The following CORIN variants were observed in gnomAD, a reference collection of about 807,000 sequenced individuals.
The protein encoded by CORIN is atrial natriuretic peptide-converting enzyme.
In CORIN, 117 loss-of-function variants were observed where a neutral mutation model predicts 125.3. That is an observed-to-expected ratio of 0.93 (90% CI 0.80 to 1.09). The LOEUF (loss-of-function observed/expected upper bound fraction) is 1.09, where lower values mean the gene tolerates loss of function less well. CORIN is among the 50% of genes least tolerant of loss of function. The probability of loss-of-function intolerance (pLI) is 0.00; values close to 1 mark genes in which losing one functional copy is unlikely to be tolerated. For synonymous variants in CORIN, 450 were observed against 466.4 expected (o/e 0.96, Z 0.45); for missense variants, 1,253 against 1,306.7 (o/e 0.96, Z 0.63).
chr4:47,677,799 G>T (rs1725093819), intron 9 of CORIN, 139 bp downstream of exon 9: 1 of 637,924 alleles, frequency 1.6e-6, no homozygotes, highest in African/African-American at 1.8e-5. Context: ...GGCTGACTAG[G>T]GCTGTGAGGA....
At chr4:47,794,146 G>C (rs1731193919) in intron 2 of CORIN, among the ~76,000 whole-genome samples, 1 of 152,230 alleles carries the variant, frequency 6.6e-6, no homozygotes. Flanking sequence ...CTTAAATTTT[G>C]GGTGTGAAGA....
chr4:47,685,177 A>G (rs2109725358), intron 6 of CORIN, among the ~76,000 whole-genome samples: 1 of 152,314 alleles, frequency 6.6e-6, no homozygotes, highest in East Asian at 1.9e-4. Context: ...GAATCTACCC[A>G]AGATAAATTA....
At chr4:47,817,292 C>G (rs560325626) in intron 1 of CORIN, among the ~76,000 whole-genome samples, 1 of 91,678 alleles carries the variant, frequency 1.1e-5, no homozygotes, top group Admixed American at 1.0e-4. Context: ...ATATATATAA[C>G]AAAATATATA....
chr4:47,744,696 T>TA, intron 4 of CORIN, 113 bp from the exon 5 acceptor site: 1 of 997,890 alleles, frequency 1.0e-6, no homozygotes, highest in African/African-American at 1.6e-5. Flanking sequence ...AATTTATACT[T>TA]ACTATAGTCA....
At chr4:47,776,320 C>G (rs1370950781) in intron 3 of CORIN, among the ~76,000 whole-genome samples, 2 of 152,044 alleles carry the variant, frequency 1.3e-5, no homozygotes, top group African/African-American at 4.8e-5. Context: ...AGGTCTCACT[C>G]TGTTGCCCAG....
chr4:47,760,921 T>G (rs1280404303), intron 4 of CORIN, among the ~76,000 whole-genome samples: 6 of 152,258 alleles, frequency 3.9e-5, no homozygotes, highest in African/African-American at 1.4e-4. Flanking sequence ...TCCTTAAATC[T>G]CATGAACCAA....
intron 19 of CORIN, among the ~76,000 whole-genome samples, chr4:47,607,457 C>T (rs552362688): frequency 1.3e-5 from 2 of 151,814 alleles, no homozygotes; most frequent in East Asian, 3.9e-4. Flanking sequence ...AGGAAATTCA[C>T]ATAATTTTTT....
chr4:47,728,745 G>A (rs1727716509), intron 5 of CORIN, among the ~76,000 whole-genome samples: 1 of 152,124 alleles, frequency 6.6e-6, no homozygotes, highest in Non-Finnish European at 1.5e-5. Context: ...TTCTGATTCA[G>A]AGGCATAATA....
chr4:47,666,828 T>C (rs1724505780), intron 10 of CORIN, among the ~76,000 whole-genome samples: 1 of 152,300 alleles, frequency 6.6e-6, no homozygotes, highest in South Asian at 2.1e-4. Context: ...GAGAAATAAA[T>C]GTTTGTCATT....
intron 1 of CORIN, among the ~76,000 whole-genome samples, chr4:47,823,878 C>G (rs372967626): frequency 6.6e-6 from 1 of 152,268 alleles, no homozygotes; most frequent in African/African-American, 2.4e-5. Context: ...CTACTCAGAC[C>G]CTGAACCCCA....
intron 1 of CORIN, among the ~76,000 whole-genome samples, chr4:47,831,733 A>G (rs895298936): frequency 6.6e-6 from 1 of 152,146 alleles, no homozygotes; most frequent in Non-Finnish European, 1.5e-5. Flanking sequence ...AATGGGTTGA[A>G]TAGTGTCTCC....
At chr4:47,764,688 T>C (rs980575888) in intron 3 of CORIN, among the ~76,000 whole-genome samples, 2 of 152,200 alleles carry the variant, frequency 1.3e-5, no homozygotes, top group Non-Finnish European at 2.9e-5. Context: ...CTGAGTAATT[T>C]CCATTACTTA....
At chr4:47,708,561 T>TG (rs964874152) in intron 5 of CORIN, among the ~76,000 whole-genome samples, 20 of 152,210 alleles carry the variant, frequency 1.3e-4, no homozygotes, top group African/African-American at 4.1e-4. Flanking sequence ...TGGACATCTT[T>TG]GGGGGGGTCA....
intron 5 of CORIN, among the ~76,000 whole-genome samples, chr4:47,715,608 A>T (rs934540199): frequency 2.6e-5 from 4 of 152,034 alleles, no homozygotes; most frequent in Non-Finnish European, 4.4e-5. Context: ...CCAAAAAAAA[A>T]GGGGGGGAGC....
At chr4:47,826,781 C>G (rs1339606589) in intron 1 of CORIN, among the ~76,000 whole-genome samples, 2 of 152,106 alleles carry the variant, frequency 1.3e-5, no homozygotes, top group East Asian at 3.9e-4. Flanking sequence ...TCTAGGGGGT[C>G]ATTGTTCGGA....
At chr4:47,836,152 C>G (rs769360325) in intron 1 of CORIN, among the ~76,000 whole-genome samples, 3 of 152,148 alleles carry the variant, frequency 2.0e-5, no homozygotes, top group Admixed American at 1.3e-4. Context: ...CAAGCCCACA[C>G]GTGAGTCTAT....
chr4:47,738,003 A>C (rs966205821), intron 5 of CORIN, among the ~76,000 whole-genome samples: 82 of 152,284 alleles, frequency 5.4e-4, no homozygotes, highest in African/African-American at 1.9e-3. Flanking sequence ...TTCTAAAAAA[A>C]AAAATTAATA....
At chr4:47,683,080 T>G (rs1001003094) in intron 7 of CORIN, 5 of 152,278 alleles carry the variant, frequency 3.3e-5, no homozygotes, top group African/African-American at 9.7e-5. Context: ...CCTACGTCAC[T>G]CAATAATATG....
At chr4:47,691,839 C>T (rs1196532756) in intron 6 of CORIN, among the ~76,000 whole-genome samples, 1 of 152,056 alleles carries the variant, frequency 6.6e-6, no homozygotes, top group Non-Finnish European at 1.5e-5. Context: ...TTCAGTAGTT[C>T]TGCCATTCAG....
Sources: allele counts gnomAD v4.1 joint callset (sites outside exome capture counted in the v4.1 genomes callset), GRCh38; gene constraint gnomAD v4.1.1; transcripts MANE v1.5; gene names NCBI Gene and HGNC (gene_info 2026-07-23, HGNC 2026-07-21).